Variants in PDE4B observed in about 807,000 individuals in gnomAD.
PDE4B encodes 3',5'-cyclic-AMP phosphodiesterase 4B.
A neutral mutation model predicts 82.2 loss-of-function variants in PDE4B; 20 were observed. The ratio of observed to expected loss-of-function variants is 0.24; its 90% CI spans 0.17 to 0.35. The LOEUF (loss-of-function observed/expected upper bound fraction) is 0.35, where lower values mean the gene tolerates loss of function less well. Among genes scored for constraint, PDE4B ranks in the 10% least tolerant of loss-of-function variants. The pLI is 1.00. For synonymous variants in PDE4B, 320 were observed against 318.9 expected (o/e 1.00, Z -0.04); for missense variants, 655 against 907.2 (o/e 0.72, Z 3.57).
At chr1:66,219,640 A>T (rs1166526288) in intron 3 of PDE4B, among the ~76,000 whole-genome samples, 1 of 152,178 alleles carries the variant, frequency 6.6e-6, no homozygotes, top group Non-Finnish European at 1.5e-5. Context: ...GGGCAATGAC[A>T]TGTGAAGAGG....
At chr1:66,125,315 C>T (rs1645801351) in intron 3 of PDE4B, among the ~76,000 whole-genome samples, 1 of 151,980 alleles carries the variant, frequency 6.6e-6, no homozygotes, top group Non-Finnish European at 1.5e-5. Flanking sequence ...AAGTGCCAGC[C>T]ACCATGCCCA....
intron 3 of PDE4B, among the ~76,000 whole-genome samples, chr1:66,044,966 C>A (rs1654606847): frequency 6.6e-6 from 1 of 151,636 alleles, no homozygotes; most frequent in Non-Finnish European, 1.5e-5. Flanking sequence ...ACAAAAATTA[C>A]CCATTTATTG....
chr1:65,878,045 A>T (rs959503950), intron 1 of PDE4B, among the ~76,000 whole-genome samples: 3 of 152,304 alleles, frequency 2.0e-5, no homozygotes, highest in Admixed American at 6.5e-5. Flanking sequence ...ACAAGAAAAA[A>T]AAAACAACCT....
chr1:66,367,827 C>T lies in PDE4B; in HGVS notation c.1516C>T (p.Leu506Phe). 6.2e-7 allele frequency: 1 copy of T among 1,613,716 alleles called. No homozygotes were observed. The highest frequency in any genetic ancestry group is 8.5e-7 in the Non-Finnish European group (1 of 1,179,776). ...MNLTKKQRQT[L>F]RKMVIDMVLA... ...TCTCACCAAGAAGCAGCGTCAGACA[C>T]TCAGGAAGATGGTTATTGACATGGT... The change falls in exon 14 of 17, where the codon CTC becomes TTC. Residue 506 changes from leucine (L) to phenylalanine (F), a missense_variant. Transcript: ENST00000341517.
At chr1:66,093,545 A>G (rs927514213) in intron 3 of PDE4B, among the ~76,000 whole-genome samples, 11 of 151,996 alleles carry the variant, frequency 7.2e-5, no homozygotes, top group African/African-American at 2.2e-4. Flanking sequence ...CTTGATATCA[A>G]TATGGACCGT....
At chr1:65,812,517 A>G (rs960764615) in intron 1 of PDE4B, among the ~76,000 whole-genome samples, 2 of 152,292 alleles carry the variant, frequency 1.3e-5, no homozygotes, top group East Asian at 3.9e-4. Flanking sequence ...GGTGGCATTA[A>G]ATTTCCAAGA....
intron 3 of PDE4B, among the ~76,000 whole-genome samples, chr1:66,015,591 GA>G (rs149939038): frequency 1.4e-4 from 21 of 145,600 alleles, no homozygotes; most frequent in South Asian, 2.2e-4. Flanking sequence ...ATTTCCACAA[GA>G]AAAAAAAAAC....
chr1:66,065,978 A>G (rs552751595), intron 3 of PDE4B, among the ~76,000 whole-genome samples: 9 of 151,870 alleles, frequency 5.9e-5, no homozygotes, highest in South Asian at 2.1e-4. Flanking sequence ...AGATATATAC[A>G]TGTGTTAGTA....
Position 66,162,133 on chromosome 1 carries a change from G to T in PDE4B, c.282-85327G>T, listed in dbSNP as rs183030121. ...TGATGTTGATTATCTGAGGATCTAC[G>T]GAAGCTCCAAATATTCAGTGAAACT... On this transcript the variant is annotated intron_variant, in intron 3 of 16. Transcript: ENST00000341517. Among the ~76,000 whole-genome samples the T allele has an allele frequency of 2.4e-3, 362 of 151,746 alleles. 3 individuals carry two copies. The highest frequency in any genetic ancestry group is 2.2e-3 in the Non-Finnish European group (149 of 67,908).
intron 3 of PDE4B, among the ~76,000 whole-genome samples, chr1:66,026,119 A>G (rs1653419309): frequency 6.6e-6 from 1 of 152,236 alleles, no homozygotes; most frequent in African/African-American, 2.4e-5. Flanking sequence ...GAAACTGTAC[A>G]TACAAGTTCA....
At chr1:65,966,137 A>G (rs1454025446) in intron 3 of PDE4B, among the ~76,000 whole-genome samples, 1 of 152,204 alleles carries the variant, frequency 6.6e-6, no homozygotes, top group East Asian at 1.9e-4. Flanking sequence ...ATGATTGTAT[A>G]TTTAGAAAAC....
intron 3 of PDE4B, among the ~76,000 whole-genome samples, chr1:66,232,000 G>C (rs1055971989): frequency 2.6e-5 from 4 of 152,190 alleles, no homozygotes; most frequent in Non-Finnish European, 5.9e-5. Context: ...TGAAATTGGG[G>C]ACTGTCCAGC....
At chr1:66,100,949 T>A (rs1645210124) in intron 3 of PDE4B, among the ~76,000 whole-genome samples, 1 of 152,168 alleles carries the variant, frequency 6.6e-6, no homozygotes, top group Non-Finnish European at 1.5e-5. Flanking sequence ...GTCATTTACA[T>A]TAGGCATATC....
At chr1:66,111,655 T>C (rs1305850377) in intron 3 of PDE4B, among the ~76,000 whole-genome samples, 2 of 152,132 alleles carry the variant, frequency 1.3e-5, no homozygotes, top group African/African-American at 4.8e-5. Context: ...ACATTTTGTT[T>C]AATCCATTCA....
chr1:65,920,152 A>C (rs562429965), intron 3 of PDE4B, among the ~76,000 whole-genome samples: 4 of 152,228 alleles, frequency 2.6e-5, no homozygotes, highest in Non-Finnish European at 5.9e-5. Flanking sequence ...TGGAGTCTTA[A>C]AGATTTCCAG....
At chr1:66,182,305 A>G (rs1647083492) in intron 3 of PDE4B, among the ~76,000 whole-genome samples, 1 of 152,146 alleles carries the variant, frequency 6.6e-6, no homozygotes, top group Non-Finnish European at 1.5e-5. Context: ...GTCAGAATTC[A>G]TCATTTGGCT....
At chr1:66,110,550 A>G (rs948691842) in intron 3 of PDE4B, among the ~76,000 whole-genome samples, 19 of 152,202 alleles carry the variant, frequency 1.2e-4, no homozygotes, top group Admixed American at 1.0e-3. Context: ...GGTGGATATT[A>G]CTAAAGGAGG....
chr1:65,867,817 A>C (rs772354130), intron 1 of PDE4B, among the ~76,000 whole-genome samples: 25 of 152,196 alleles, frequency 1.6e-4, no homozygotes, highest in Non-Finnish European at 3.1e-4. Flanking sequence ...CCAATCTGTC[A>C]ACTAACATGT....
At chr1:66,239,625 A>G (rs186589348) in intron 3 of PDE4B, among the ~76,000 whole-genome samples, 1 of 152,350 alleles carries the variant, frequency 6.6e-6, no homozygotes, top group East Asian at 1.9e-4. Flanking sequence ...TCCTATATTT[A>G]TGAAGAGGGA....
Sources: allele counts gnomAD v4.1 joint callset (sites outside exome capture counted in the v4.1 genomes callset), GRCh38; gene constraint gnomAD v4.1.1; transcripts MANE v1.5; gene names NCBI Gene and HGNC (gene_info 2026-07-23, HGNC 2026-07-21).